The following CREB5 variants were observed in gnomAD, a reference collection of about 807,000 sequenced individuals.
The protein encoded by CREB5 is cyclic AMP-responsive element-binding protein 5.
In CREB5, 19 loss-of-function variants were observed where a neutral mutation model predicts 57.1. That is an observed-to-expected ratio of 0.33 (90% CI 0.23 to 0.49). CREB5 has a LOEUF of 0.49. Ranked by LOEUF, CREB5 falls within the 20% of genes least tolerant of loss-of-function variation. The pLI, the probability that CREB5 is intolerant of heterozygous loss-of-function variation, is 0.99. For missense variants in CREB5, 579 were observed against 671.6 expected (o/e 0.86, Z 1.52); for synonymous variants, 238 against 238.3 (o/e 1.00, Z 0.01).
At chr7:28,507,201 T>C (rs188832241) in intron 3 of CREB5, among the ~76,000 whole-genome samples, 2 of 152,012 alleles carry the variant, frequency 1.3e-5, no homozygotes, top group African/African-American at 4.8e-5. Flanking sequence ...TCCAGCCCCC[T>C]GAAGTCAGGC....
intron 1 of CREB5, among the ~76,000 whole-genome samples, chr7:28,460,277 T>C (rs1430175100): frequency 6.6e-6 from 1 of 151,964 alleles, no homozygotes; most frequent in African/African-American, 2.4e-5. Flanking sequence ...AGGGAGAGGA[T>C]AAAAAGGAAG....
intron 7 of CREB5, among the ~76,000 whole-genome samples, chr7:28,756,848 G>A (rs576860714): frequency 8.5e-5 from 13 of 152,224 alleles, no homozygotes; most frequent in Non-Finnish European, 1.5e-5. Context: ...TTGAGAGAGA[G>A]AGAGAGGCAG....
At chr7:28,495,155 C>T (rs1219231272) in intron 3 of CREB5, among the ~76,000 whole-genome samples, 156 bp downstream of exon 3, 2 of 152,136 alleles carry the variant, frequency 1.3e-5, no homozygotes, top group Admixed American at 1.3e-4. Flanking sequence ...GTAATATTCA[C>T]CCAAGTGACT....
intron 3 of CREB5, among the ~76,000 whole-genome samples, chr7:28,505,025 G>A (rs751503124): frequency 2.2e-4 from 34 of 152,246 alleles, no homozygotes; most frequent in Non-Finnish European, 4.4e-4. Context: ...CTACAAACTT[G>A]GCCTTATGAA....
At chr7:28,702,487 G>A (rs1438782650) in intron 5 of CREB5, among the ~76,000 whole-genome samples, 1 of 152,204 alleles carries the variant, frequency 6.6e-6, no homozygotes, top group African/African-American at 2.4e-5. Flanking sequence ...GCTCACTTAT[G>A]TTGGATCAAT....
intron 5 of CREB5, among the ~76,000 whole-genome samples, chr7:28,697,219 A>T (rs1160559978): frequency 6.6e-6 from 1 of 152,088 alleles, no homozygotes; most frequent in Non-Finnish European, 1.5e-5. Context: ...CCAATTTCTC[A>T]TGAATTGGCC....
chr7:28,406,900 T>C (rs2128000636), intron 1 of CREB5, among the ~76,000 whole-genome samples: 1 of 136,832 alleles, frequency 7.3e-6, no homozygotes, highest in Admixed American at 7.5e-5. Context: ...AAGGTTCCCT[T>C]TTCATTTATT....
intron 7 of CREB5, 79 bp downstream of exon 7, chr7:28,724,411 T>A (rs769817230): frequency 2.3e-5 from 28 of 1,205,368 alleles, no homozygotes; most frequent in Non-Finnish European, 3.2e-5. Flanking sequence ...AAAACCTTAG[T>A]TCAGCTAGGT....
At chr7:28,374,333 A>C (rs771230504) in intron 1 of CREB5, among the ~76,000 whole-genome samples, 24 of 152,238 alleles carry the variant, frequency 1.6e-4, no homozygotes, top group African/African-American at 1.9e-4. Context: ...ATACATTTAC[A>C]GTATGACCTA....
chr7:28,686,133 A>G (rs1209072770), intron 5 of CREB5: 3 of 1,613,264 alleles, frequency 1.9e-6, no homozygotes, highest in East Asian at 2.2e-5. Flanking sequence ...TTCTACACAC[A>G]CTCATTCCAG....
intron 1 of CREB5, among the ~76,000 whole-genome samples, chr7:28,452,692 C>A (rs1173480755): frequency 2.0e-5 from 3 of 152,154 alleles, no homozygotes; most frequent in Admixed American, 2.0e-4. Flanking sequence ...AGGGAAGCAG[C>A]AAGGTGTGGG....
intron 3 of CREB5, among the ~76,000 whole-genome samples, chr7:28,501,534 C>T (rs568671687): frequency 5.9e-5 from 9 of 152,296 alleles, no homozygotes; most frequent in East Asian, 5.8e-4. Context: ...TTGCTGTCTT[C>T]GTTCTGTCTG....
Position 28,624,908 on chromosome 7 carries a change from G to A in CREB5, c.464+54371G>A, listed in dbSNP as rs541076147. Among the ~76,000 whole-genome samples, 5 of 151,972 alleles carry A rather than the reference G, an allele frequency of 3.3e-5. No individual in the cohort carries two copies. In the South Asian group the frequency reaches 8.3e-4, roughly 25 times the overall value. On this transcript the variant is annotated intron_variant, in intron 5 of 10. Transcript: ENST00000357727. ...TTCATGCCCAGTTTCCTACACTGAC[G>A]TGCCTGGATGACTCTGGGCCAGTTA...
At chr7:28,749,933 T>TC (rs1332961762) in intron 7 of CREB5, among the ~76,000 whole-genome samples, 2 of 152,118 alleles carry the variant, frequency 1.3e-5, no homozygotes, top group African/African-American at 2.4e-5. Context: ...CTGATAGTTT[T>TC]TTTTTTTAAC....
intron 5 of CREB5, among the ~76,000 whole-genome samples, chr7:28,642,397 T>C: frequency 6.6e-6 from 1 of 152,158 alleles, no homozygotes; most frequent in South Asian, 2.1e-4. Context: ...CCAAGAGACA[T>C]AATTAAAACT....
At chr7:28,642,991 C>CACAT (rs1554279327) in intron 5 of CREB5, among the ~76,000 whole-genome samples, 4,415 of 111,716 alleles carry the variant, frequency 0.04, 53 homozygotes, top group Middle Eastern at 0.08. Flanking sequence ...CACACATACA[C>CACAT]ACACACACAC....
At position 28,419,790 on chromosome 7, in the gene CREB5, A is replaced by T. The variant is rs144627435; in HGVS notation, c.3+6873A>T. 5.4e-3 allele frequency among the ~76,000 whole-genome samples: 829 copies of T among 152,302 alleles called. 5 individuals are homozygous for T. The highest frequency in any genetic ancestry group is 0.019 in the African/African-American group (777 of 41,552). On this transcript the variant is annotated intron_variant, in intron 1 of 10. Coordinates refer to ENST00000357727, the MANE Select transcript of CREB5 (RefSeq NM_182898.4). The stretch of plus-strand genomic sequence containing the variant: ...GTTGATTAAAAGATATTGTGAGATT[A>T]AAAAAATTGAAACCATATTTAAGAC...
chr7:28,811,452 G>A (rs1809115175), intron 9 of CREB5, among the ~76,000 whole-genome samples: 1 of 152,158 alleles, frequency 6.6e-6, no homozygotes, highest in Non-Finnish European at 1.5e-5. Flanking sequence ...TGCCCAGGCT[G>A]GAGGGCAGCT....
At chr7:28,317,572 C>T (rs1018809605) in intron 1 of CREB5, among the ~76,000 whole-genome samples, 2 of 152,182 alleles carry the variant, frequency 1.3e-5, no homozygotes, top group East Asian at 1.9e-4. Context: ...TTCAGACAGA[C>T]GTGGCTTAAA....
Sources: gnomAD v4.1 joint callset for allele counts (sites outside exome capture counted in the v4.1 genomes callset) on GRCh38, gnomAD v4.1.1 for gene constraint, MANE v1.5 for transcripts, NCBI Gene and HGNC (gene_info 2026-07-23, HGNC 2026-07-21) for gene names.